PSD3: variants seen among roughly 807,000 people sequenced by gnomAD.
PSD3 encodes the protein pleckstrin and Sec7 domain containing 3.
A neutral mutation model predicts 105.5 loss-of-function variants in PSD3; 49 were observed. That is an observed-to-expected ratio of 0.46 (90% CI 0.37 to 0.59). The LOEUF (loss-of-function observed/expected upper bound fraction) is 0.59. Among genes scored for constraint, PSD3 ranks in the 20% least tolerant of loss-of-function variants. The pLI, the probability that PSD3 is intolerant of heterozygous loss-of-function variation, is 0.00. For missense variants in PSD3, 1,561 were observed against 1,263.8 expected (o/e 1.24, Z -3.57); for synonymous variants, 557 against 457.8 (o/e 1.22, Z -2.77).
At chr8:18,884,875 G>A (rs926184391) in intron 2 of PSD3, among the ~76,000 whole-genome samples, 2 of 152,174 alleles carry the variant, frequency 1.3e-5, no homozygotes, top group Non-Finnish European at 2.9e-5. Context: ...GTGAGCTAAG[G>A]AGTGGCACCG....
intron 1 of PSD3, among the ~76,000 whole-genome samples, chr8:19,032,795 T>C (rs1827814430): frequency 6.6e-6 from 1 of 152,208 alleles, no homozygotes. Context: ...TAAACATTAA[T>C]GTTAGAGTGT....
At chr8:18,845,741 A>C (rs535463522) in intron 4 of PSD3, among the ~76,000 whole-genome samples, 1 of 152,232 alleles carries the variant, frequency 6.6e-6, no homozygotes, top group Non-Finnish European at 1.5e-5. Context: ...GTTGGAGACC[A>C]GCCAGAACAA....
chr8:19,053,210 G>C (rs1332182835), intron 1 of PSD3, among the ~76,000 whole-genome samples: 2 of 152,066 alleles, frequency 1.3e-5, no homozygotes, highest in Non-Finnish European at 2.9e-5. Context: ...TGGCGCACAG[G>C]GGATGACTGG....
At chr8:18,748,502 T>C (rs1805205804) in intron 9 of PSD3, among the ~76,000 whole-genome samples, 1 of 151,294 alleles carries the variant, frequency 6.6e-6, no homozygotes, top group South Asian at 2.1e-4. Flanking sequence ...CTACTAAAAA[T>C]ACAAAAAATT....
chr8:19,007,101 G>A (rs61050926), intron 1 of PSD3, among the ~76,000 whole-genome samples: 17,574 of 151,856 alleles, frequency 0.12, 1,340 homozygotes, highest in African/African-American at 0.2. Flanking sequence ...CTAAAAATAC[G>A]AAACAGCCAG....
At chr8:18,552,992 C>T (rs562142940) in intron 15 of PSD3, among the ~76,000 whole-genome samples, 1 of 152,190 alleles carries the variant, frequency 6.6e-6, no homozygotes, top group Admixed American at 6.5e-5. Flanking sequence ...TGATTATTTA[C>T]TGTCAGTCAG....
intron 9 of PSD3, among the ~76,000 whole-genome samples, chr8:18,692,819 T>C (rs530010847): frequency 6.6e-6 from 1 of 152,294 alleles, no homozygotes; most frequent in South Asian, 2.1e-4. Flanking sequence ...ATTATATAGA[T>C]GTTATTTTAA....
chr8:18,814,917 C>A (rs1396979429), intron 4 of PSD3, among the ~76,000 whole-genome samples: 1 of 152,200 alleles, frequency 6.6e-6, no homozygotes, highest in Non-Finnish European at 1.5e-5. Flanking sequence ...CGGCACAAAG[C>A]ACAAAGTAGA....
intron 14 of PSD3, among the ~76,000 whole-genome samples, chr8:18,570,887 T>G (rs1330625111): frequency 7.9e-6 from 1 of 126,920 alleles, no homozygotes; most frequent in African/African-American, 2.9e-5. Flanking sequence ...TGAGATGGAG[T>G]TTTGCTCTGT....
At chr8:18,743,179 C>A (rs1003369023) in intron 9 of PSD3, among the ~76,000 whole-genome samples, 1 of 152,000 alleles carries the variant, frequency 6.6e-6, no homozygotes, top group African/African-American at 2.4e-5. Context: ...ATCAACTGGC[C>A]AAAGGTAGAA....
At chr8:18,917,622 T>G (rs1353327182) in intron 2 of PSD3, among the ~76,000 whole-genome samples, 1 of 152,214 alleles carries the variant, frequency 6.6e-6, no homozygotes, top group East Asian at 1.9e-4. Context: ...TCCAAGAACC[T>G]ATCAAGGATG....
chr8:18,816,028 T>C (rs1586108029), intron 4 of PSD3, among the ~76,000 whole-genome samples: 1 of 152,216 alleles, frequency 6.6e-6, no homozygotes, highest in East Asian at 1.9e-4. Context: ...TCTCTGTCAC[T>C]TCCTGCTTTC....
rs570599780 is a variant in PSD3, at chr8:18,672,246, A to G, written c.2173-16561T>C. On this transcript the variant is annotated intron_variant, in intron 9 of 15. Transcript: ENST00000327040. ...AAGTACCCAAGAAAAACGGTCAATT[A>G]TATTTAATAACTATGGACATGATGA... Among the ~76,000 whole-genome samples, 111 of 152,286 alleles carry G rather than the reference A, an allele frequency of 7.3e-4. 1 individual carries two copies. The South Asian group carries it at 0.021, about 29-fold the overall frequency.
chr8:18,694,106 A>G (rs1425470491), intron 9 of PSD3, among the ~76,000 whole-genome samples: 1 of 152,184 alleles, frequency 6.6e-6, no homozygotes, highest in East Asian at 1.9e-4. Flanking sequence ...TGTTTCAGTG[A>G]CAAAGATTAA....
intron 15 of PSD3, among the ~76,000 whole-genome samples, chr8:18,555,680 T>C (rs893421873): frequency 6.6e-6 from 1 of 152,208 alleles, no homozygotes; most frequent in Non-Finnish European, 1.5e-5. Flanking sequence ...CCATTCTTTT[T>C]AATAAGCACA....
chr8:18,648,410 T>C (rs566690924), intron 10 of PSD3, among the ~76,000 whole-genome samples: 57 of 151,204 alleles, frequency 3.8e-4, no homozygotes, highest in African/African-American at 1.4e-3. Flanking sequence ...GCCCCTGCCC[T>C]AGGGATCTGT....
At chr8:18,912,976 T>C (rs1820335002) in intron 2 of PSD3, among the ~76,000 whole-genome samples, 1 of 151,838 alleles carries the variant, frequency 6.6e-6, no homozygotes. Flanking sequence ...CTCCTAGAGC[T>C]ACTTAAGAAA....
intron 9 of PSD3, among the ~76,000 whole-genome samples, chr8:18,671,827 T>C (rs1471722366): frequency 6.6e-6 from 1 of 152,150 alleles, no homozygotes; most frequent in Non-Finnish European, 1.5e-5. Flanking sequence ...GAGATGGGGT[T>C]TCACCGTGTT....
chr8:18,955,114 C>G (rs1586517155), intron 1 of PSD3, among the ~76,000 whole-genome samples: 1 of 152,276 alleles, frequency 6.6e-6, no homozygotes, highest in Non-Finnish European at 1.5e-5. Flanking sequence ...GATGTTGTGG[C>G]TGCTTGAGGG....
Sources: gnomAD v4.1 joint callset for allele counts (sites outside exome capture counted in the v4.1 genomes callset) on GRCh38, gnomAD v4.1.1 for gene constraint, MANE v1.5 for transcripts, NCBI Gene and HGNC (gene_info 2026-07-23, HGNC 2026-07-21) for gene names.